The following CD72 variants were observed in gnomAD, a reference collection of about 807,000 sequenced individuals.
The protein encoded by CD72 is CD72 molecule.
A neutral mutation model predicts 50.7 loss-of-function variants in CD72; 28 were observed. The ratio of observed to expected loss-of-function variants is 0.55; its 90% CI spans 0.41 to 0.76. The LOEUF (loss-of-function observed/expected upper bound fraction) is 0.76, where lower values mean the gene tolerates loss of function less well. Ranked by LOEUF, CD72 falls within the 30% of genes least tolerant of loss-of-function variation. The pLI, the probability that CD72 is intolerant of heterozygous loss-of-function variation, is 0.00. For missense variants in CD72, 403 were observed against 420.6 expected (o/e 0.96, Z 0.37); for synonymous variants, 176 against 171.2 (o/e 1.03, Z -0.22).
chr9:35,616,779 G>A (rs1823071260), intron 3 of CD72, 90 bp from the exon 4 acceptor site: 1 of 1,187,248 alleles, frequency 8.4e-7, no homozygotes, highest in Admixed American at 1.9e-5. Flanking sequence ...GACCCCTGGG[G>A]AAGGCATCCC....
intron 5 of CD72, among the ~76,000 whole-genome samples, chr9:35,613,898 G>A (rs556816171): frequency 3.5e-4 from 53 of 152,166 alleles, no homozygotes; most frequent in Admixed American, 1.4e-3. Flanking sequence ...CCAGTTACTC[G>A]GGAGGCTGAG....
intron 1 of CD72, among the ~76,000 whole-genome samples, chr9:35,628,445 T>A (rs984299259): frequency 6.6e-6 from 1 of 152,210 alleles, no homozygotes; most frequent in Non-Finnish European, 1.5e-5. Flanking sequence ...ACAAAAAAAT[T>A]TAGCTGGGCA....
At chr9:35,618,584 T>C, upstream of CD72, 1 of 679,226 alleles carries the variant, frequency 1.5e-6, no homozygotes, top group Non-Finnish European at 2.4e-6. Flanking sequence ...CCTGTCCCCA[T>C]GTCCTCCCTG....
intron 1 of CD72, among the ~76,000 whole-genome samples, chr9:35,642,001 C>T (rs185146040): frequency 6.0e-4 from 91 of 152,262 alleles, no homozygotes; most frequent in Non-Finnish European, 1.2e-4. Context: ...TTCTAGTTCC[C>T]GAGTGAGGGC....
intron 1 of CD72, among the ~76,000 whole-genome samples, chr9:35,633,158 T>C (rs1006877248): frequency 3.3e-5 from 5 of 151,486 alleles, no homozygotes; most frequent in African/African-American, 1.2e-4. Context: ...CCCAGGCTGG[T>C]TTCGAACTCC....
At chr9:35,640,407 C>A (rs1191963768) in intron 1 of CD72, among the ~76,000 whole-genome samples, 1 of 152,212 alleles carries the variant, frequency 6.6e-6, no homozygotes, top group Admixed American at 6.5e-5. Context: ...CTTGGCCTCA[C>A]GGATTCCAAG....
chr9:35,617,705 A>G (rs1823088376), intron 2 of CD72, among the ~76,000 whole-genome samples: 1 of 151,940 alleles, frequency 6.6e-6, no homozygotes. Flanking sequence ...GCTCCCATTT[A>G]TCCTGTTCCT....
intron 6 of CD72, 83 bp from the exon 7 acceptor site, chr9:35,612,002 A>G: frequency 3.9e-6 from 3 of 764,596 alleles, no homozygotes; most frequent in Middle Eastern, 5.0e-4. Context: ...GGGAGGCCTC[A>G]GCTTTGGCAA....
At chr9:35,610,999 C>T (rs781252056) in intron 7 of CD72, among the ~76,000 whole-genome samples, 7 of 151,960 alleles carry the variant, frequency 4.6e-5, no homozygotes, top group African/African-American at 1.4e-4. Flanking sequence ...TGCCTGCAAT[C>T]CCAGCACTTT....
At chr9:35,617,436 G>A (rs1260070736) in intron 2 of CD72, among the ~76,000 whole-genome samples, 189 bp from the exon 3 acceptor site, 1 of 152,080 alleles carries the variant, frequency 6.6e-6, no homozygotes, top group African/African-American at 2.4e-5. Context: ...GCTTCCTCCT[G>A]GGTCTCACTG....
upstream of CD72, among the ~76,000 whole-genome samples, chr9:35,621,267 G>T (rs1369400484): frequency 6.6e-6 from 1 of 152,128 alleles, no homozygotes; most frequent in Admixed American, 6.5e-5. Context: ...CCCTCTCCTG[G>T]CCTCCCCACT....
chr9:35,625,840 A>G (rs1823192775), intron 1 of CD72, among the ~76,000 whole-genome samples: 1 of 152,192 alleles, frequency 6.6e-6, no homozygotes, highest in South Asian at 2.1e-4. Context: ...ATGACAGCAC[A>G]TTTGTCCACA....
chr9:35,626,857 C>CTT (rs950823397), intron 1 of CD72, among the ~76,000 whole-genome samples: 6 of 147,446 alleles, frequency 4.1e-5, no homozygotes, highest in Non-Finnish European at 7.5e-5. Flanking sequence ...ATAAACATTA[C>CTT]TTTTTTTTTT....
chr9:35,621,663 C>A (rs534459247), upstream of CD72, among the ~76,000 whole-genome samples: 78 of 152,302 alleles, frequency 5.1e-4, 1 homozygote, highest in South Asian at 5.0e-3. Context: ...GGTAGGCACA[C>A]TCTGATCACA....
intron 1 of CD72, among the ~76,000 whole-genome samples, chr9:35,632,182 C>CT (rs376745957): frequency 0.089 from 12,934 of 144,850 alleles, 716 homozygotes; most frequent in Non-Finnish European, 0.13. Context: ...ATTTTCTCCT[C>CT]TTTTTTTTTT....
intron 1 of CD72, among the ~76,000 whole-genome samples, chr9:35,639,595 A>G (rs748394952): frequency 1.3e-5 from 2 of 152,224 alleles, no homozygotes; most frequent in Non-Finnish European, 2.9e-5. Context: ...GACAAATGAC[A>G]AAGTGTAACA....
At chr9:35,613,886 T>C (rs1443956795) in intron 5 of CD72, among the ~76,000 whole-genome samples, 3 of 152,062 alleles carry the variant, frequency 2.0e-5, no homozygotes, top group Non-Finnish European at 4.4e-5. Flanking sequence ...ATGCCTATAA[T>C]CCCAGTTACT....
chr9:35,632,164 A>T (rs1823251514), intron 1 of CD72, among the ~76,000 whole-genome samples: 2 of 150,348 alleles, frequency 1.3e-5, no homozygotes, highest in African/African-American at 2.4e-5. Flanking sequence ...CTGTTTTATA[A>T]TTCTTCAATT....
intron 1 of CD72, among the ~76,000 whole-genome samples, chr9:35,641,403 G>C (rs1823338778): frequency 6.6e-6 from 1 of 152,156 alleles, no homozygotes; most frequent in Non-Finnish European, 1.5e-5. Context: ...TTACTTCTTT[G>C]GCACACTTTA....
Sources: allele counts gnomAD v4.1 joint callset (sites outside exome capture counted in the v4.1 genomes callset), GRCh38; gene constraint gnomAD v4.1.1; transcripts MANE v1.5; gene names NCBI Gene and HGNC (gene_info 2026-07-23, HGNC 2026-07-21).